The following EPB41L1 variants were observed in gnomAD, a reference collection of about 807,000 sequenced individuals.
The protein encoded by EPB41L1 is erythrocyte membrane protein band 4.1 like 1, also known as band 4.1-like protein 1.
In EPB41L1, 29 loss-of-function variants were observed where a neutral mutation model predicts 97.8. That is an observed-to-expected ratio of 0.30 (90% CI 0.22 to 0.40). EPB41L1 has a LOEUF of 0.40. EPB41L1 is among the 10% of genes least tolerant of loss of function. EPB41L1 has a pLI of 1.00. For synonymous variants in EPB41L1, 383 were observed against 459.2 expected (o/e 0.83, Z 2.12); for missense variants, 812 against 1,162.3 (o/e 0.70, Z 4.38).
chr20:36,182,983 G>A (rs571560850), intron 6 of EPB41L1, among the ~76,000 whole-genome samples: 4 of 152,322 alleles, frequency 2.6e-5, no homozygotes, highest in East Asian at 1.9e-4. Context: ...TGGGGCAAGC[G>A]TGGACTGTGT....
chr20:36,186,361 A>G (rs555620463), intron 7 of EPB41L1, among the ~76,000 whole-genome samples: 4 of 152,206 alleles, frequency 2.6e-5, no homozygotes, highest in African/African-American at 9.6e-5. Flanking sequence ...GTATGGTGAT[A>G]TTGTCTCATT....
intron 1 of EPB41L1, among the ~76,000 whole-genome samples, chr20:36,105,121 G>A (rs2058148563): frequency 6.6e-6 from 1 of 152,180 alleles, no homozygotes; most frequent in African/African-American, 2.4e-5. Context: ...GGAAATCAGG[G>A]GGTGGCTTGA....
Position 36,207,137 on chromosome 20 carries a change from C to G in EPB41L1, c.1669-2351C>G. On this transcript the variant is annotated intron_variant, in intron 14 of 21. Coordinates refer to ENST00000338074, the MANE Select transcript of EPB41L1 (RefSeq NM_012156.2). This position sits in a 1 kb window ranked among gnomAD's most constrained non-coding sequence, Gnocchi z 4.9. The stretch of plus-strand genomic sequence containing the variant: ...GACCTGGCAGCTCTGGAGGAAGCTT[C>G]TCCAAGCCCAACCTCCCATGGGTCA... 2.3e-6 allele frequency: 3 copies of G among 1,289,540 alleles called. No individual in the cohort carries two copies. The highest frequency in any genetic ancestry group is 3.0e-6 in the Non-Finnish European group (3 of 988,630). The allele number at this position is 1,289,540 out of a possible 1,614,324, so 79.9% of individuals were successfully genotyped here. A position where few individuals can be genotyped will look rare whatever the true frequency, so the allele number is the denominator to read the frequency against.
At chr20:36,202,974 T>A (rs904136620) in intron 14 of EPB41L1, among the ~76,000 whole-genome samples, 2 of 152,170 alleles carry the variant, frequency 1.3e-5, no homozygotes, top group African/African-American at 4.8e-5. Context: ...TCCCCACCCC[T>A]GTTGCCAGCT....
At chr20:36,202,419 T>C (rs1329774613) in intron 14 of EPB41L1, among the ~76,000 whole-genome samples, 1 of 152,128 alleles carries the variant, frequency 6.6e-6, no homozygotes, top group Non-Finnish European at 1.5e-5. Flanking sequence ...TCCCCTTCCC[T>C]AGAACACTTC....
At chr20:36,218,019 G>A (rs945242473) in intron 17 of EPB41L1, among the ~76,000 whole-genome samples, 5 of 152,158 alleles carry the variant, frequency 3.3e-5, no homozygotes, top group African/African-American at 7.2e-5. Context: ...GCGCCAGATC[G>A]GGGGCAGTAA....
intron 1 of EPB41L1, among the ~76,000 whole-genome samples, chr20:36,105,908 A>G (rs1382040221): frequency 6.6e-6 from 1 of 151,970 alleles, no homozygotes; most frequent in Non-Finnish European, 1.5e-5. Flanking sequence ...CCTTTTCCCT[A>G]TTCTGGAATC....
chr20:36,214,411 A>G lies in EPB41L1; in HGVS notation c.2239A>G (p.Ile747Val). 1 of 1,613,712 alleles carries G rather than the reference A, an allele frequency of 6.2e-7. No homozygotes were observed. The highest frequency in any genetic ancestry group is 8.5e-7 in the Non-Finnish European group (1 of 1,179,948). The change falls in exon 17 of 22, where the codon ATC (isoleucine) becomes GTC (valine). Residue 747 changes from isoleucine to valine, a missense_variant. Coordinates refer to ENST00000338074, the MANE Select transcript of EPB41L1 (RefSeq NM_012156.2). ...GREFIATTPSITTETISTTME... is the reference protein window; with the variant it reads ...GREFIATTPSVTTETISTTME... Reference sequence around the variant, plus strand: ...GGAGTTCATAGCAACCACTCCCTCCATCACCACGGAGACCATATCGACCAC... The same window carrying G: ...GGAGTTCATAGCAACCACTCCCTCCGTCACCACGGAGACCATATCGACCAC...
intron 11 of EPB41L1, among the ~76,000 whole-genome samples, chr20:36,192,531 CAAA>C (rs57675036): frequency 0.044 from 2,033 of 46,278 alleles, 34 homozygotes; most frequent in African/African-American, 0.1. Context: ...GACTCCGTCT[CAAA>C]AAAAAAAAAA....
Position 36,209,111 on chromosome 20 carries a change from C to T in EPB41L1, c.1669-377C>T, listed in dbSNP as rs1011092722. The stretch of plus-strand genomic sequence containing the variant: ...TTCTGTTTCTCAACGCCCACCTGCA[C>T]GGATGGGCCTGGGGTCCGGGCTTCC... On this transcript the variant is annotated intron_variant, in intron 14 of 21. Coordinates refer to ENST00000338074, the MANE Select transcript of EPB41L1 (RefSeq NM_012156.2). The surrounding 1 kb of genome is among the most constrained non-coding windows in gnomAD (Gnocchi z 4.2). 2.6e-5 allele frequency among the ~76,000 whole-genome samples: 4 copies of T among 152,186 alleles called. No homozygotes were observed. The highest frequency in any genetic ancestry group is 4.4e-5 in the Non-Finnish European group (3 of 68,036).
rs1354926354 is a variant in EPB41L1, at chr20:36,097,933, T to G, written c.-65+6321T>G. On this transcript the variant is annotated intron_variant, in intron 1 of 19. Coordinates refer to the EPB41L1 transcript ENST00000202028. ...ACGGCAGGGAGCTGGGGAAGAGGAG[T>G]AAGCCAACCAGGAAGGATCAGATTT... 2.0e-5 allele frequency among the ~76,000 whole-genome samples: 3 copies of G among 151,486 alleles called. No individual in the cohort carries two copies. In the East Asian group the frequency reaches 5.8e-4, roughly 29 times the overall value.
At chr20:36,188,274 T>C (rs2061769701) in intron 8 of EPB41L1, 73 bp from the exon 9 acceptor site, 1 of 1,605,706 alleles carries the variant, frequency 6.2e-7, no homozygotes, top group Admixed American at 1.7e-5. Flanking sequence ...AGGGCAGTGT[T>C]TTCGGGGTGG....
At chr20:36,185,765 C>G (rs1228268975) in intron 7 of EPB41L1, among the ~76,000 whole-genome samples, 1 of 152,208 alleles carries the variant, frequency 6.6e-6, no homozygotes, top group Non-Finnish European at 1.5e-5. Context: ...TCAGGAAGGT[C>G]ATTTCACTTC....
intron 2 of EPB41L1, among the ~76,000 whole-genome samples, chr20:36,120,536 C>T (rs759483625): frequency 1.7e-4 from 26 of 152,168 alleles, no homozygotes; most frequent in African/African-American, 4.6e-4. Context: ...CTAGGCCAAC[C>T]GTGTCCCTGT....
At chr20:36,162,579 C>T (rs2060577069) in intron 1 of EPB41L1, among the ~76,000 whole-genome samples, 1 of 152,196 alleles carries the variant, frequency 6.6e-6, no homozygotes, top group Non-Finnish European at 1.5e-5. Context: ...GCATGTTGCC[C>T]AGCTCTCGGA....
At chr20:36,224,193 G>A (rs1452634083) in intron 21 of EPB41L1, among the ~76,000 whole-genome samples, 4 of 152,170 alleles carry the variant, frequency 2.6e-5, no homozygotes, top group African/African-American at 9.7e-5. Flanking sequence ...TTGAGGACTT[G>A]AAATTGGCTA....
At chr20:36,141,542 A>AG (rs71184089) in intron 2 of EPB41L1, among the ~76,000 whole-genome samples, 5 of 152,180 alleles carry the variant, frequency 3.3e-5, no homozygotes, top group South Asian at 2.1e-4. Context: ...AGGCAGCCCA[A>AG]GGGGGGCTGT....
chr20:36,146,770 A>G (rs1386107515), intron 2 of EPB41L1, among the ~76,000 whole-genome samples: 1 of 152,036 alleles, frequency 6.6e-6, no homozygotes, highest in Admixed American at 6.6e-5. Context: ...ACAGCAGGTG[A>G]AATTCTGCTG....
At chr20:36,197,115 C>T (rs1212010002) in intron 13 of EPB41L1, among the ~76,000 whole-genome samples, 1 of 152,206 alleles carries the variant, frequency 6.6e-6, no homozygotes, top group African/African-American at 2.4e-5. Flanking sequence ...TGAGTCAGTA[C>T]CTGAAAGGTA....
Sources: gnomAD v4.1 joint callset for allele counts (sites outside exome capture counted in the v4.1 genomes callset) on GRCh38, gnomAD v4.1.1 for gene constraint, Gnocchi (gnomAD v3.1) non-coding constraint, MANE v1.5 for transcripts, NCBI Gene and HGNC (gene_info 2026-07-23, HGNC 2026-07-21) for gene names.